The following MTCL3 variants were observed in gnomAD, a reference collection of about 807,000 sequenced individuals.
The protein encoded by MTCL3 is MTCL family member 3, also known as microtubule cross-linking factor 3.
the MTCL3 span, among the ~76,000 whole-genome samples, chr6:127,485,300 G>T: frequency 6.6e-6 from 1 of 152,064 alleles, no homozygotes; most frequent in African/African-American, 2.4e-5. Context: ...AAAAAAAAAG[G>T]CATTCCACAT....
chr6:127,516,062 C>G, the MTCL3 span: 494 of 1,528,400 alleles, frequency 3.2e-4, 1 homozygote, highest in Admixed American at 4.4e-4. Flanking sequence ...GGAGCGCCCC[C>G]CTCCCTTTCC....
chr6:127,483,446 C>A, the MTCL3 span, among the ~76,000 whole-genome samples: 1 of 152,134 alleles, frequency 6.6e-6, no homozygotes. Flanking sequence ...CTCCCCTCAC[C>A]ACACATCACC....
the MTCL3 span, chr6:127,476,130 G>C: frequency 1.2e-6 from 2 of 1,613,908 alleles, no homozygotes; most frequent in Non-Finnish European, 1.7e-6. This position sits in a 1 kb window ranked among gnomAD's most constrained non-coding sequence, Gnocchi z 4.4. Flanking sequence ...TCATGAGCGG[G>C]TTGGCCGAGC....
chr6:127,512,920 A>C, the MTCL3 span: 2 of 1,612,350 alleles, frequency 1.2e-6, no homozygotes, highest in Non-Finnish European at 1.7e-6. Context: ...TCATTCTGTA[A>C]AGCTTGCTTT....
the MTCL3 span, among the ~76,000 whole-genome samples, chr6:127,512,457 G>A: frequency 0.064 from 9,782 of 152,190 alleles, 362 homozygotes; most frequent in East Asian, 0.11. Flanking sequence ...GCAATGAATG[G>A]ATTAGATCAA....
chr6:127,482,890 G>T, the MTCL3 span: 1 of 1,571,776 alleles, frequency 6.4e-7, no homozygotes, highest in South Asian at 1.2e-5. This position sits in a 1 kb window ranked among gnomAD's most constrained non-coding sequence, Gnocchi z 4.1. Context: ...TGGTGTACTA[G>T]TTGAAATTTT....
chr6:127,479,443 G>A, the MTCL3 span, among the ~76,000 whole-genome samples: 1 of 152,246 alleles, frequency 6.6e-6, no homozygotes, highest in Admixed American at 6.5e-5. Context: ...GGTTGCATAT[G>A]TGGTGGAAGT....
At chr6:127,505,345 G>T in the MTCL3 span, among the ~76,000 whole-genome samples, 1 of 152,172 alleles carries the variant, frequency 6.6e-6, no homozygotes, top group Non-Finnish European at 1.5e-5. Flanking sequence ...GCCATAAAAA[G>T]AAACAGATCA....
chr6:127,488,924 T>C, the MTCL3 span, among the ~76,000 whole-genome samples: 27 of 152,330 alleles, frequency 1.8e-4, no homozygotes, highest in Non-Finnish European at 3.8e-4. Context: ...TTGTATTATG[T>C]ATCATAAGTA....
the MTCL3 span, among the ~76,000 whole-genome samples, chr6:127,486,783 G>A: frequency 6.6e-6 from 1 of 152,078 alleles, no homozygotes; most frequent in Non-Finnish European, 1.5e-5. Flanking sequence ...TATAAAATGG[G>A]TTGTTTGTTT....
the MTCL3 span, among the ~76,000 whole-genome samples, chr6:127,492,614 G>A: frequency 6.6e-6 from 1 of 152,112 alleles, no homozygotes. Context: ...TCTGCCTCCT[G>A]GGTTCACGAT....
chr6:127,478,540 A>C, the MTCL3 span, among the ~76,000 whole-genome samples: 1 of 152,186 alleles, frequency 6.6e-6, no homozygotes, highest in Non-Finnish European at 1.5e-5. Flanking sequence ...CAGTGGAGGG[A>C]TACAGGGTGG....
the MTCL3 span, chr6:127,515,552 C>T: frequency 4.1e-6 from 6 of 1,471,008 alleles, no homozygotes; most frequent in South Asian, 8.9e-5. This position sits in a 1 kb window ranked among gnomAD's most constrained non-coding sequence, Gnocchi z 4.3. Context: ...TTCTCCATCT[C>T]CTCTTGCATT....
At chr6:127,482,890 G>A in the MTCL3 span, 57 of 1,571,658 alleles carry the variant, frequency 3.6e-5, no homozygotes, top group Non-Finnish European at 4.7e-5. The surrounding 1 kb of genome is among the most constrained non-coding windows in gnomAD (Gnocchi z 4.1). Flanking sequence ...TGGTGTACTA[G>A]TTGAAATTTT....
the MTCL3 span, among the ~76,000 whole-genome samples, chr6:127,518,347 G>A: frequency 3.3e-5 from 5 of 152,364 alleles, no homozygotes; most frequent in East Asian, 9.6e-4. Context: ...TAACCCAGGC[G>A]AAAGCTTGTG....
the MTCL3 span, chr6:127,476,011 C>G: frequency 6.2e-7 from 1 of 1,610,934 alleles, no homozygotes; most frequent in Non-Finnish European, 8.5e-7. The surrounding 1 kb of genome is among the most constrained non-coding windows in gnomAD (Gnocchi z 4.4). Context: ...CGCCGTGATG[C>G]GCTTGTTCTG....
At chr6:127,477,902 G>A in the MTCL3 span, among the ~76,000 whole-genome samples, 2 of 152,102 alleles carry the variant, frequency 1.3e-5, no homozygotes, top group Admixed American at 1.3e-4. Flanking sequence ...TTCTGGCTGA[G>A]TCCCAAACTC....
the MTCL3 span, among the ~76,000 whole-genome samples, chr6:127,518,265 T>C: frequency 6.6e-6 from 1 of 152,242 alleles, no homozygotes; most frequent in South Asian, 2.1e-4. Flanking sequence ...GCAAACTTAT[T>C]TTTGTTTTTA....
At chr6:127,481,456 A>G in the MTCL3 span, 9 of 985,336 alleles carry the variant, frequency 9.1e-6, no homozygotes, top group African/African-American at 3.5e-5. Context: ...GCTGAGGTCC[A>G]TACATGTTCT....
Sources: gnomAD v4.1 joint callset for allele counts (sites outside exome capture counted in the v4.1 genomes callset) on GRCh38, gnomAD v4.1.1 for gene constraint, Gnocchi (gnomAD v3.1) non-coding constraint, MANE v1.5 for transcripts, NCBI Gene and HGNC (gene_info 2026-07-23, HGNC 2026-07-21) for gene names.